HDGFL3: variants seen among roughly 807,000 people sequenced by gnomAD.
HDGFL3 encodes the protein HDGF like 3.
Under a neutral mutation model 27.6 loss-of-function variants are expected in HDGFL3, and 6 were observed. The observed-to-expected ratio is 0.22, with a 90% CI of 0.12 to 0.43. The LOEUF is 0.43. Among genes scored for constraint, HDGFL3 ranks in the 20% least tolerant of loss-of-function variants. HDGFL3 has a pLI of 1.00. For synonymous variants in HDGFL3, 88 were observed against 88.9 expected, an observed-to-expected ratio of 0.99 and a Z score of 0.05; for missense variants, 207 against 250.1, an observed-to-expected ratio of 0.83 and a Z score of 1.16.
intron 1 of HDGFL3, among the ~76,000 whole-genome samples, chr15:83,165,731 C>T (rs2037162307): frequency 7.2e-6 from 1 of 138,500 alleles, no homozygotes. Flanking sequence ...GGAGGCGGAG[C>T]TTACAGTGAG....
intron 1 of HDGFL3, chr15:83,179,358 AAT>A (rs749935292): frequency 1.3e-5 from 2 of 152,346 alleles, no homozygotes; most frequent in Admixed American, 6.5e-5. Flanking sequence ...CTCCTTTACC[AAT>A]AGAGTAAATA....
intron 2 of HDGFL3, among the ~76,000 whole-genome samples, chr15:83,162,215 C>T (rs969302065): frequency 6.6e-6 from 1 of 152,188 alleles, no homozygotes; most frequent in African/African-American, 2.4e-5. Flanking sequence ...GACATAATTT[C>T]TGCCTTCAGA....
intron 1 of HDGFL3, among the ~76,000 whole-genome samples, chr15:83,164,821 T>A (rs2037149502): frequency 2.0e-5 from 3 of 152,210 alleles, no homozygotes; most frequent in Admixed American, 2.0e-4. Context: ...CATTATTCCT[T>A]AGAATGTTTC....
rs192824136 is a variant in HDGFL3, at chr15:83,139,011, T to C, written c.*259A>G. 292 of 293,846 alleles carry C rather than the reference T, an allele frequency of 9.9e-4. 1 individual carries two copies. The highest frequency in any genetic ancestry group is 5.9e-3 in the African/African-American group (276 of 46,664). The allele number at this position is 293,846 out of a possible 1,614,324, so 18.2% of individuals were successfully genotyped here. On this transcript the variant is annotated 3_prime_UTR_variant, in exon 6 of 6. Transcript: ENST00000299633. ...ACATGTATAAGTCTGCGCAAAAATCTTGATAATCCTTAGTGGTTAAGGGCA... is the reference window on the plus strand; with the variant it reads ...ACATGTATAAGTCTGCGCAAAAATCCTGATAATCCTTAGTGGTTAAGGGCA...
At chr15:83,178,425 T>C (rs1483219989) in intron 1 of HDGFL3, among the ~76,000 whole-genome samples, 2 of 152,216 alleles carry the variant, frequency 1.3e-5, no homozygotes, top group African/African-American at 4.8e-5. Flanking sequence ...ACTCTTGTCA[T>C]ACTCTTAAGT....
At chr15:83,196,070 G>A (rs973030252) in intron 1 of HDGFL3, among the ~76,000 whole-genome samples, 1 of 151,550 alleles carries the variant, frequency 6.6e-6, no homozygotes, top group Non-Finnish European at 1.5e-5. Context: ...TCAAAAAAAG[G>A]GACAGATATG....
chr15:83,115,823 A>G, intron 3 of HDGFL3: 1 of 1,566,000 alleles, frequency 6.4e-7, no homozygotes, highest in Non-Finnish European at 8.8e-7. Context: ...TGCTTTTTAA[A>G]CTGCTGCTTT....
At chr15:83,187,310 T>C (rs1438310559) in intron 1 of HDGFL3, among the ~76,000 whole-genome samples, 2 of 152,106 alleles carry the variant, frequency 1.3e-5, no homozygotes, top group African/African-American at 4.8e-5. Context: ...CATAATCATA[T>C]ACAAATGTTA....
At chr15:83,146,983 T>TG (rs2036904127) in intron 5 of HDGFL3, among the ~76,000 whole-genome samples, 1 of 152,152 alleles carries the variant, frequency 6.6e-6, no homozygotes, top group African/African-American at 2.4e-5. Context: ...CCTGTATCCG[T>TG]GCCCAAATAC....
intron 1 of HDGFL3, chr15:83,179,307 T>C (rs1205706213): frequency 6.6e-6 from 1 of 152,350 alleles, no homozygotes. Context: ...GTGTTGGGTG[T>C]TGTGTGTTCA....
intron 4 of HDGFL3, among the ~76,000 whole-genome samples, chr15:83,151,629 A>C (rs970057454): frequency 1.3e-5 from 2 of 152,232 alleles, no homozygotes; most frequent in African/African-American, 4.8e-5. Flanking sequence ...TATTAAAAGC[A>C]CAAAATGAAG....
At chr15:83,181,780 T>C (rs541981944) in intron 1 of HDGFL3, among the ~76,000 whole-genome samples, 148 of 152,316 alleles carry the variant, frequency 9.7e-4, no homozygotes, top group African/African-American at 3.5e-3. Flanking sequence ...CTGGCCCTTA[T>C]AGTCACATTT....
intron 1 of HDGFL3, among the ~76,000 whole-genome samples, chr15:83,177,922 A>G (rs2037333274): frequency 6.6e-6 from 1 of 152,250 alleles, no homozygotes; most frequent in African/African-American, 2.4e-5. Context: ...ATTAAAAACA[A>G]TAGTGGTACA....
intron 3 of HDGFL3, among the ~76,000 whole-genome samples, chr15:83,117,559 A>G (rs2034786052): frequency 6.6e-6 from 1 of 152,146 alleles, no homozygotes; most frequent in South Asian, 2.1e-4. Context: ...CATGGAGCCC[A>G]GAGGAGGGAG....
intron 1 of HDGFL3, among the ~76,000 whole-genome samples, chr15:83,198,200 A>C (rs977101508): frequency 6.6e-6 from 1 of 152,128 alleles, no homozygotes; most frequent in Non-Finnish European, 1.5e-5. Context: ...TGGATAGTTC[A>C]ATGACCTAAT....
At chr15:83,112,768 T>C (rs772235568) in exon 4 of HDGFL3, 1 of 1,518,782 alleles carries the variant, frequency 6.6e-7, no homozygotes, top group East Asian at 2.3e-5. Context: ...ATTTTGATAG[T>C]GACCACCTCC....
intron 1 of HDGFL3, among the ~76,000 whole-genome samples, chr15:83,171,107 T>C (rs978059623): frequency 6.6e-6 from 1 of 152,192 alleles, no homozygotes; most frequent in African/African-American, 2.4e-5. Context: ...CGTGCAGGTT[T>C]GTTACATATG....
chr15:83,170,831 G>A (rs1336312801), intron 1 of HDGFL3, among the ~76,000 whole-genome samples: 1 of 150,370 alleles, frequency 6.7e-6, no homozygotes, highest in East Asian at 1.9e-4. Flanking sequence ...ATCCAACAAA[G>A]GTGTAATATC....
chr15:83,120,864 C>T (rs927614052), intron 3 of HDGFL3, among the ~76,000 whole-genome samples: 1 of 151,438 alleles, frequency 6.6e-6, no homozygotes, highest in African/African-American at 2.4e-5. Flanking sequence ...CCGTGCCCGG[C>T]TCCAGCTCAT....
Sources: gnomAD v4.1 joint callset for allele counts (sites outside exome capture counted in the v4.1 genomes callset) on GRCh38, gnomAD v4.1.1 for gene constraint, MANE v1.5 for transcripts, NCBI Gene and HGNC (gene_info 2026-07-23, HGNC 2026-07-21) for gene names.